The following BPIFC variants were observed in gnomAD, a reference collection of about 807,000 sequenced individuals.
The protein encoded by BPIFC is BPI fold containing family C.
BPIFC carries 60 observed loss-of-function variants against 57.6 expected under a neutral mutation model. That is an observed-to-expected ratio of 1.04 (90% CI 0.85 to 1.29). The LOEUF is 1.29. Ranked by LOEUF, BPIFC falls within the 50% of genes most tolerant of loss-of-function variation. The pLI, the probability that BPIFC is intolerant of heterozygous loss-of-function variation, is 0.00. For synonymous variants in BPIFC, 243 were observed against 224.5 expected (o/e 1.08, Z -0.74); for missense variants, 581 against 600.5 (o/e 0.97, Z 0.34).
At chr22:32,421,327 G>A (rs1369058687) in intron 13 of BPIFC, among the ~76,000 whole-genome samples, 1 of 152,212 alleles carries the variant, frequency 6.6e-6, no homozygotes, top group Non-Finnish European at 1.5e-5. Context: ...GGGAGAAACT[G>A]AAGGTCAAAG....
chr22:32,450,667 A>C (rs1386533237), intron 4 of BPIFC, among the ~76,000 whole-genome samples: 3 of 152,068 alleles, frequency 2.0e-5, no homozygotes, highest in Non-Finnish European at 2.9e-5. Flanking sequence ...ACCTCAATTC[A>C]AACATTGGAT....
At chr22:32,424,660 T>TCCTCCTCCTCCTCCTCCTCCTCCTCC (rs1569448003) in intron 13 of BPIFC, among the ~76,000 whole-genome samples, 4 of 61,020 alleles carry the variant, frequency 6.6e-5, no homozygotes, top group Non-Finnish European at 1.1e-4. Flanking sequence ...CTTCTTCTTC[T>TCCTCCTCCTCCTCCTCCTCCTCCTCC]TCTTCTTCTT....
chr22:32,448,312 A>T (rs1196076223), intron 4 of BPIFC, among the ~76,000 whole-genome samples: 1 of 152,024 alleles, frequency 6.6e-6, no homozygotes, highest in African/African-American at 2.4e-5. Context: ...TGACCTCGTG[A>T]TCTGCCCGCC....
intron 1 of BPIFC, 52 bp downstream of exon 1, chr22:32,464,322 C>T (rs1469612525): frequency 7.9e-6 from 7 of 891,580 alleles, no homozygotes; most frequent in Non-Finnish European, 9.4e-6. Context: ...GGGACATCTC[C>T]AGTTTGGAGA....
chr22:32,424,656 CT>C lies in BPIFC; in HGVS notation c.1218-5253del, dbSNP rs1174366446. On this transcript the variant is annotated intron_variant, in intron 13 of 16. Coordinates refer to ENST00000300399, the MANE Select transcript of BPIFC (RefSeq NM_174932.3). ...TTCTTCTTCTTCTCTTCTTCTTCTT[CT>C]TCTTCTTCTTCTTCTTCTTCTTCTT... 1.1e-3 allele frequency among the ~76,000 whole-genome samples: 67 copies of C among 62,622 alleles called. 3 individuals carry two copies. Among genetic ancestry groups the C allele is most frequent in the African/African-American group, 2.1e-3 (18 of 8,750 alleles). 41.1% of individuals were successfully genotyped at this position (62,622 alleles called of 152,430 possible).
At chr22:32,441,235 T>G (rs369725422) in intron 8 of BPIFC, among the ~76,000 whole-genome samples, 4 of 152,162 alleles carry the variant, frequency 2.6e-5, no homozygotes, top group African/African-American at 9.7e-5. Context: ...CCCTTTGGGT[T>G]TTTCTAGTAA....
intron 10 of BPIFC, 78 bp from the exon 11 acceptor site, chr22:32,433,850 T>G: frequency 8.0e-7 from 1 of 1,245,836 alleles, no homozygotes; most frequent in Non-Finnish European, 1.2e-6. Context: ...GTGTTCCCTA[T>G]AATTTGACGA....
In BPIFC at chr22:32,455,524, A is replaced by C. The variant is rs5754096; in HGVS notation, c.124+1739T>G. 7.2e-3 allele frequency among the ~76,000 whole-genome samples: 1,096 copies of C among 152,252 alleles called. 45 individuals carry two copies. Among genetic ancestry groups the C allele is most frequent in the Admixed American group, 0.053 (815 of 15,288 alleles). ...CTCTCCTCTCTTCTTGGATCCTCAC[A>C]GCAACCCAGTGACGAGGTGTTATTA... On this transcript the variant is annotated intron_variant, in intron 3 of 16. Coordinates refer to ENST00000300399, the MANE Select transcript of BPIFC (RefSeq NM_174932.3).
chr22:32,457,321 G>A lies in BPIFC; in HGVS notation c.66C>T (p.Ser22=). ...CFLLWNLYVS[S]SQTIYPGIKA... ...TGATTCCAGGGTAAATGGTCTGAGA[G>A]GATGAGACATAGAGATTCCACAGGA... The change falls in exon 3 of 17, where the codon TCC becomes TCT. Residue 22 remains serine, a synonymous_variant. Coordinates refer to ENST00000300399, the MANE Select transcript of BPIFC (RefSeq NM_174932.3). 1.2e-6 allele frequency: 2 copies of A among 1,610,802 alleles called. No individual in the cohort carries two copies. Among genetic ancestry groups the A allele is most frequent in the Middle Eastern group, 3.3e-4 (2 of 6,046 alleles).
intron 2 of BPIFC, among the ~76,000 whole-genome samples, chr22:32,460,757 A>G (rs1437534212): frequency 1.3e-5 from 2 of 152,166 alleles, no homozygotes; most frequent in East Asian, 3.8e-4. Flanking sequence ...CCTTGATCAA[A>G]ATACATATTT....
intron 13 of BPIFC, among the ~76,000 whole-genome samples, chr22:32,428,522 G>A (rs896989593): frequency 3.3e-5 from 5 of 152,288 alleles, no homozygotes; most frequent in African/African-American, 1.2e-4. Flanking sequence ...CTGCTTTGAA[G>A]GGCTTGGTAA....
intron 13 of BPIFC, among the ~76,000 whole-genome samples, chr22:32,425,767 C>T (rs192499963): frequency 6.6e-6 from 1 of 152,204 alleles, no homozygotes; most frequent in Admixed American, 6.5e-5. Context: ...ATGAATGGTC[C>T]TGGAGGTAGG....
At chr22:32,425,113 T>C (rs1934029762) in intron 13 of BPIFC, among the ~76,000 whole-genome samples, 1 of 152,108 alleles carries the variant, frequency 6.6e-6, no homozygotes, top group South Asian at 2.1e-4. Context: ...AGCTCTTCAC[T>C]ACATCAAAGG....
At chr22:32,423,577 GGTGTGTGTGTGTGT>G (rs369571670) in intron 13 of BPIFC, among the ~76,000 whole-genome samples, 4 of 143,198 alleles carry the variant, frequency 2.8e-5, no homozygotes, top group Non-Finnish European at 6.0e-5. Context: ...GTAGGGTGTG[GGTGTGTGTGTGTGT>G]GTGTGTGTGT....
chr22:32,455,051 A>AC (rs1935001603), intron 3 of BPIFC, among the ~76,000 whole-genome samples: 2 of 130,738 alleles, frequency 1.5e-5, no homozygotes, highest in African/African-American at 5.9e-5. Context: ...TTTCATCTCC[A>AC]TTTTTTTTTT....
At chr22:32,455,819 C>T (rs1212980271) in intron 3 of BPIFC, among the ~76,000 whole-genome samples, 1 of 152,158 alleles carries the variant, frequency 6.6e-6, no homozygotes, top group East Asian at 1.9e-4. Flanking sequence ...AACACACAGC[C>T]CAGAAAGCAC....
At chr22:32,427,261 A>G (rs887376925) in intron 13 of BPIFC, among the ~76,000 whole-genome samples, 73 of 152,344 alleles carry the variant, frequency 4.8e-4, no homozygotes, top group African/African-American at 1.7e-3. Context: ...GCTTACTAGT[A>G]TTATAGAAAC....
chr22:32,429,837 A>T (rs1934189125), intron 13 of BPIFC, among the ~76,000 whole-genome samples: 1 of 151,938 alleles, frequency 6.6e-6, no homozygotes, highest in Non-Finnish European at 1.5e-5. Context: ...TCCACAATAG[A>T]CTTCATAACT....
At chr22:32,431,439 A>ATTTATTTATTTATTTTTTTATT in intron 12 of BPIFC, 25 bp from the exon 13 acceptor site, 1 of 1,343,076 alleles carries the variant, frequency 7.4e-7, no homozygotes, top group Non-Finnish European at 1.1e-6. Context: ...AGCATTTATT[A>ATTTATTTATTTATTTTTTTATT]TTAAGACGAG....
Sources: allele counts gnomAD v4.1 joint callset (sites outside exome capture counted in the v4.1 genomes callset), GRCh38; gene constraint gnomAD v4.1.1; transcripts MANE v1.5; gene names NCBI Gene and HGNC (gene_info 2026-07-23, HGNC 2026-07-21).